The following CLCN6 variants were observed in gnomAD, a reference collection of about 807,000 sequenced individuals.
CLCN6 encodes the protein H(+)/Cl(-) exchange transporter 6.
CLCN6 carries 70 observed loss-of-function variants against 109.8 expected under a neutral mutation model. That is an observed-to-expected ratio of 0.64 (90% confidence interval 0.53 to 0.78). The LOEUF (loss-of-function observed/expected upper bound fraction) is 0.78. Among genes scored for constraint, CLCN6 ranks in the 30% least tolerant of loss-of-function variants. The pLI is 0.00. For synonymous variants in CLCN6, 444 were observed against 447.8 expected (o/e 0.99, Z 0.11); for missense variants, 984 against 1,142.3 (o/e 0.86, Z 2.00).
At position 11,819,481 on chromosome 1, in the gene CLCN6, T is replaced by G. The variant is rs1228562773; in HGVS notation, c.280-7T>G. ...AGGCTGTGTGACAGATCTCTTGCTCTTCACAGGTGGGTCTCTTTGTGGACT... is the reference window on the plus strand; with the variant it reads ...AGGCTGTGTGACAGATCTCTTGCTCGTCACAGGTGGGTCTCTTTGTGGACT... On this transcript the variant is annotated splice_polypyrimidine_tract_variant and splice_region_variant and intron_variant, in intron 4 of 22. Coordinates refer to ENST00000346436, the MANE Select transcript of CLCN6 (RefSeq NM_001286.5). The G allele has an allele frequency of 6.2e-7, 1 of 1,614,010 alleles. No individual in the cohort carries two copies. Among genetic ancestry groups the G allele is most frequent in the Non-Finnish European group, 8.5e-7 (1 of 1,179,836 alleles).
chr1:11,806,906 G>A (rs1282454725), intron 1 of CLCN6: 3 of 552,338 alleles, frequency 5.4e-6, no homozygotes, highest in African/African-American at 3.8e-5. Flanking sequence ...TGAAGAGGAG[G>A]GTGGTTATTT....
Position 11,816,640 on chromosome 1 carries a change from A to C in CLCN6, c.239A>C (p.Lys80Thr), listed in dbSNP as rs1644676319. 1 of 1,613,110 alleles carries C rather than the reference A, an allele frequency of 6.2e-7. No homozygotes were observed. The highest frequency in any genetic ancestry group is 1.3e-5 in the African/African-American group (1 of 74,912). Residue 80 changes from lysine to threonine, a missense_variant, in exon 4 of 23, where the codon AAG becomes ACG. Lys to Thr is a moderately conservative substitution (Grantham distance 78). Coordinates refer to ENST00000346436, the MANE Select transcript of CLCN6 (RefSeq NM_001286.5). ...NKKGRRYEAV[K>T]WMVVFAIGVC... ...AAAGGTCGAAGATATGAGGCGGTGA[A>C]GTGGATGGTGGTGTTTGCCATTGGA...
intron 13 of CLCN6, among the ~76,000 whole-genome samples, chr1:11,831,226 G>A (rs747146812): frequency 4.0e-5 from 6 of 150,892 alleles, no homozygotes; most frequent in Admixed American, 6.6e-5. Flanking sequence ...GCAAGATCTC[G>A]GCTCACTGCA....
At chr1:11,820,631 G>A (rs1312079330) in intron 5 of CLCN6, 3 of 357,902 alleles carry the variant, frequency 8.4e-6, no homozygotes, top group Middle Eastern at 8.7e-4. Flanking sequence ...GCTGGGCGTG[G>A]CGGTGTGCGC....
chr1:11,828,406 T>C, intron 11 of CLCN6, 52 bp from the exon 12 acceptor site: 1 of 1,605,024 alleles, frequency 6.2e-7, no homozygotes, highest in South Asian at 1.1e-5. Context: ...TCTCTTCCGG[T>C]TCTCATGGCT....
At chr1:11,827,602 A>G (rs1644830149) in intron 10 of CLCN6, among the ~76,000 whole-genome samples, 1 of 116,998 alleles carries the variant, frequency 8.5e-6, no homozygotes, top group African/African-American at 3.6e-5. Context: ...CATCCAGCTA[A>G]TTTTTGTATT....
At chr1:11,838,016 G>A (rs1484781605) in intron 20 of CLCN6, among the ~76,000 whole-genome samples, 1 of 152,104 alleles carries the variant, frequency 6.6e-6, no homozygotes, top group Non-Finnish European at 1.5e-5. Flanking sequence ...ATCTTTTGGT[G>A]GGGGGACACA....
rs1437010892 is a variant in CLCN6 at position 11,807,151 on chromosome 1, G to C, written c.108G>C (p.Gln36His). The part of the protein sequence containing the change: ...PEELTILGET[Q>H]EEEDEILPRK... ...TCTAGACCATCCTTGGAGAAACACA[G>C]GAGGAGGAGGATGAGATTCTTCCAA... Residue 36 changes from glutamine to histidine, a missense_variant, in exon 2 of 23, where the codon CAG (glutamine) becomes CAC (histidine). Physicochemically the swap from Gln to His is conservative, Grantham distance 24. Transcript: ENST00000346436. The C allele has an allele frequency of 6.2e-7, 1 of 1,613,550 alleles. No homozygotes were observed. Among genetic ancestry groups the C allele is most frequent in the Admixed American group, 1.7e-5 (1 of 60,032 alleles).
At chr1:11,813,384 T>G (rs1267897349) in intron 2 of CLCN6, among the ~76,000 whole-genome samples, 3 of 151,716 alleles carry the variant, frequency 2.0e-5, no homozygotes, top group Non-Finnish European at 4.4e-5. Flanking sequence ...TTCTGATCAG[T>G]AAAAAAGATT....
At chr1:11,823,868 C>CA (rs779343502) in intron 7 of CLCN6, 35 bp downstream of exon 7, 3 of 1,611,150 alleles carry the variant, frequency 1.9e-6, no homozygotes, top group Non-Finnish European at 2.5e-6. Flanking sequence ...TTCAAATACT[C>CA]AAAGGGCAGA....
rs986981761 is a variant in CLCN6 at position 11,823,715 on chromosome 1, A to G, written c.462A>G (p.Ala154=). ...ASLLVLIEPV[A]AGSGIPEVKC... is the part of the protein sequence containing the mutation. Reference sequence around the variant, plus strand: ...CTGCTCTCCTCCATCAGCCGGTGGCAGCAGGTTCCGGGATACCCGAGGTCA... The same window carrying G: ...CTGCTCTCCTCCATCAGCCGGTGGCGGCAGGTTCCGGGATACCCGAGGTCA... The change falls in exon 7 of 23, where the codon GCA becomes GCG. Residue 154 remains alanine (A), a synonymous_variant. Transcript: ENST00000346436. 3 of 1,614,090 alleles carry G rather than the reference A, an allele frequency of 1.9e-6. No homozygotes were observed. Among genetic ancestry groups the G allele is most frequent in the African/African-American group, 2.7e-5 (2 of 74,946 alleles).
intron 13 of CLCN6, among the ~76,000 whole-genome samples, chr1:11,831,266 C>T (rs1326083885): frequency 6.6e-6 from 1 of 152,076 alleles, no homozygotes; most frequent in African/African-American, 2.4e-5. Context: ...AAGCGATTCT[C>T]CTGCCTCAGC....
In CLCN6 at chr1:11,834,039, T is replaced by C. The variant is rs750114582; in HGVS notation, c.1526+9T>C. 1 of 1,612,268 alleles carries C rather than the reference T, an allele frequency of 6.2e-7. No homozygotes were observed. The highest frequency in any genetic ancestry group is 8.5e-7 in the Non-Finnish European group (1 of 1,178,930). The stretch of plus-strand genomic sequence containing the variant: ...GCCAATGTCCTAAAAAGGTACTCTG[T>C]GTGTGTGCGTGTGTGTGCGCATGTG... On this transcript the variant is annotated intron_variant, in intron 15 of 22. Coordinates refer to ENST00000346436, the MANE Select transcript of CLCN6 (RefSeq NM_001286.5). The surrounding 1 kb of genome is among the most constrained non-coding windows in gnomAD (Gnocchi z 4.5).
chr1:11,817,005 C>A (rs74866971), intron 4 of CLCN6, among the ~76,000 whole-genome samples: 5,636 of 152,164 alleles, frequency 0.037, 150 homozygotes, highest in Middle Eastern at 0.078. Flanking sequence ...ATCATAATCT[C>A]TAATCTACCT....
chr1:11,818,224 C>G (rs1004557635), intron 4 of CLCN6, among the ~76,000 whole-genome samples: 2 of 152,246 alleles, frequency 1.3e-5, no homozygotes, highest in African/African-American at 2.4e-5. Flanking sequence ...GTTTGTGCTA[C>G]TTTTATATCA....
intron 7 of CLCN6, 51 bp downstream of exon 7, chr1:11,823,884 CAAG>C (rs1276427031): frequency 1.2e-6 from 2 of 1,605,434 alleles, no homozygotes; most frequent in South Asian, 2.2e-5. Context: ...GCAGAGACGA[CAAG>C]AAGCATGATG....
chr1:11,839,177 A>C, intron 22 of CLCN6: 1 of 567,242 alleles, frequency 1.8e-6, no homozygotes, highest in Non-Finnish European at 3.1e-6. Flanking sequence ...AGCAAAAAAC[A>C]AGCAAAAACC....
At chr1:11,819,329 C>T (rs1448050537) in intron 4 of CLCN6, among the ~76,000 whole-genome samples, 159 bp from the exon 5 acceptor site, 1 of 151,450 alleles carries the variant, frequency 6.6e-6, no homozygotes, top group Non-Finnish European at 1.5e-5. Flanking sequence ...GGATCTCCTC[C>T]TTCTGCGCTT....
At position 11,822,707 on chromosome 1, in the gene CLCN6, G is replaced by A. The variant is rs1453830591; in HGVS notation, c.359G>A (p.Cys120Tyr). 1.2e-6 allele frequency: 2 copies of A among 1,612,682 alleles called. No individual in the cohort carries two copies. The highest frequency in any genetic ancestry group is 8.5e-7 in the Non-Finnish European group (1 of 1,178,766). ...FGVVQTSVEE[C>Y]SQKGCLALSL... ...CCAGTTTCCGCAGCGGTGGAGGAGT[G>A]CAGCCAGAAAGGCTGCCTCGCTCTG... The change falls in exon 6 of 23, where the codon TGC becomes TAC. Residue 120 changes from cysteine to tyrosine, a missense_variant. Coordinates refer to ENST00000346436, the MANE Select transcript of CLCN6 (RefSeq NM_001286.5).
Sources: gnomAD v4.1 joint callset for allele counts (sites outside exome capture counted in the v4.1 genomes callset) on GRCh38, gnomAD v4.1.1 for gene constraint, Gnocchi (gnomAD v3.1) non-coding constraint, MANE v1.5 for transcripts, NCBI Gene and HGNC (gene_info 2026-07-23, HGNC 2026-07-21) for gene names.